PLXDC2: variants seen among roughly 807,000 people sequenced by gnomAD.
The protein encoded by PLXDC2 is plexin domain-containing protein 2.
A neutral mutation model predicts 68.9 loss-of-function variants in PLXDC2; 40 were observed. The ratio of observed to expected loss-of-function variants is 0.58; its 90% CI spans 0.45 to 0.76. The LOEUF is 0.76. Ranked by LOEUF, PLXDC2 falls within the 30% of genes least tolerant of loss-of-function variation. The pLI is 0.00. For missense variants in PLXDC2, 644 were observed against 661.9 expected, an observed-to-expected ratio of 0.97 and a Z score of 0.30; for synonymous variants, 243 against 234.2, an observed-to-expected ratio of 1.04 and a Z score of -0.34.
At chr10:19,860,672 G>T (rs1837302200) in intron 1 of PLXDC2, among the ~76,000 whole-genome samples, 2 of 152,086 alleles carry the variant, frequency 1.3e-5, no homozygotes, top group Non-Finnish European at 2.9e-5. Context: ...TATACCCAGG[G>T]CCCAGCACCA....
intron 1 of PLXDC2, among the ~76,000 whole-genome samples, chr10:19,963,697 C>T (rs764253831): frequency 1.2e-4 from 18 of 151,416 alleles, no homozygotes; most frequent in African/African-American, 1.7e-4. Flanking sequence ...TGGGGTGGGG[C>T]GAGAGGGGAG....
In PLXDC2 at chr10:20,094,215, C is replaced by A. The variant is rs1833318185; in HGVS notation, c.541+25976C>A. On this transcript the variant is annotated intron_variant, in intron 4 of 13. Transcript: ENST00000377252. The stretch of plus-strand genomic sequence containing the variant: ...TTAGCTGAAGTAAAGGAACATCCTA[C>A]CATGTACATTGTTTGAAAGTAATTT... Among the ~76,000 whole-genome samples, 3 of 152,212 alleles carry A rather than the reference C, an allele frequency of 2.0e-5. No homozygotes were observed. In the South Asian group the frequency reaches 6.2e-4, roughly 31 times the overall value.
chr10:19,894,023 A>C (rs1424805705), intron 1 of PLXDC2, among the ~76,000 whole-genome samples: 1 of 152,190 alleles, frequency 6.6e-6, no homozygotes, highest in Non-Finnish European at 1.5e-5. Context: ...GAATGGAGTA[A>C]ATTCAGAGAA....
At chr10:19,850,241 C>G (rs1564608826) in intron 1 of PLXDC2, among the ~76,000 whole-genome samples, 1 of 150,258 alleles carries the variant, frequency 6.7e-6, no homozygotes, top group South Asian at 2.1e-4. Context: ...TATCCCTTAT[C>G]TAACCTAGGA....
rs756895705 is a variant in PLXDC2, at chr10:20,282,847, A to T, written c.*3028A>T. 13 of 152,228 alleles carry T rather than the reference A, an allele frequency of 8.5e-5. No homozygotes were observed. The highest frequency in any genetic ancestry group is 1.9e-4 in the Non-Finnish European group (13 of 68,024). The allele number at this position is 152,228 out of a possible 1,614,324, so 9.4% of individuals were successfully genotyped here. ...GACCCCCAATTACTATTTTAGTTTG[A>T]GGTATCAAGGGCATTTGCCAATCTC... On this transcript the variant is annotated 3_prime_UTR_variant, in exon 14 of 14. Coordinates refer to ENST00000377252, the MANE Select transcript of PLXDC2 (RefSeq NM_032812.9).
chr10:20,206,996 C>G (rs891442471), intron 9 of PLXDC2, among the ~76,000 whole-genome samples: 1 of 152,122 alleles, frequency 6.6e-6, no homozygotes, highest in Non-Finnish European at 1.5e-5. Flanking sequence ...ACAACTGTCT[C>G]TCACACACAC....
intron 1 of PLXDC2, among the ~76,000 whole-genome samples, chr10:19,818,911 T>G (rs1393227879): frequency 6.6e-6 from 1 of 152,112 alleles, no homozygotes; most frequent in Admixed American, 6.6e-5. Flanking sequence ...ATTTAAAAAC[T>G]TCTTTGGCAC....
intron 4 of PLXDC2, among the ~76,000 whole-genome samples, chr10:20,109,014 A>G (rs1833525608): frequency 1.3e-5 from 2 of 152,346 alleles, no homozygotes; most frequent in African/African-American, 2.4e-5. Flanking sequence ...CCAAGGAGAA[A>G]AAGAAGAACT....
At chr10:19,890,676 CTTTTTTTTTTTTTTTTT>C (rs56921191) in intron 1 of PLXDC2, among the ~76,000 whole-genome samples, 6 of 61,132 alleles carry the variant, frequency 9.8e-5, no homozygotes, top group African/African-American at 1.9e-4. Flanking sequence ...CGCCCGGCTG[CTTTTTTTTTTTTTTTTT>C]TTTTTTTTTT....
chr10:20,197,014 A>C (rs1383669380), intron 9 of PLXDC2, among the ~76,000 whole-genome samples: 7 of 152,096 alleles, frequency 4.6e-5, no homozygotes, highest in African/African-American at 1.7e-4. Context: ...ATACGATGCA[A>C]TGTGCTCCCA....
At chr10:20,173,325 A>G (rs756947093) in intron 7 of PLXDC2, among the ~76,000 whole-genome samples, 2 of 152,232 alleles carry the variant, frequency 1.3e-5, no homozygotes, top group Non-Finnish European at 2.9e-5. Context: ...ATACTTACAC[A>G]ATATGAGTAA....
rs767213190 is a variant in PLXDC2, at chr10:19,964,738, TTTG to T, written c.113-37034_113-37032del. Among the ~76,000 whole-genome samples, 494 of 151,618 alleles carry T rather than the reference TTTG, an allele frequency of 3.3e-3. 2 individuals carry two copies. Among genetic ancestry groups the T allele is most frequent in the Non-Finnish European group, 5.0e-3 (338 of 68,012 alleles). On this transcript the variant is annotated intron_variant, in intron 1 of 13. Transcript: ENST00000377252. Reference sequence around the variant, plus strand: ...TCCTTGAGGGCAGGCACCATTTGTTTTTGTTTTTTTTTTCTTCACTATCTCCTA... The same window carrying T: ...TCCTTGAGGGCAGGCACCATTTGTTTTTTTTTTTTTCTTCACTATCTCCTA...
In PLXDC2 at chr10:20,115,174, C is replaced by T. The variant is rs964267237; in HGVS notation, c.542-28121C>T. ...AGCACGTTACTCTTTCACCTGTCAC[C>T]GGCACACCCAGGAGGAGTGTTCATG... On this transcript the variant is annotated intron_variant, in intron 4 of 13. Coordinates refer to ENST00000377252, the MANE Select transcript of PLXDC2 (RefSeq NM_032812.9). Among the ~76,000 whole-genome samples the T allele has an allele frequency of 5.9e-5, 9 of 152,100 alleles. 1 individual carries two copies. Among genetic ancestry groups the T allele is most frequent in the East Asian group, 3.9e-4 (2 of 5,170 alleles).
At chr10:20,211,602 T>C in intron 9 of PLXDC2, 67 bp from the exon 10 acceptor site, 1 of 1,443,924 alleles carries the variant, frequency 6.9e-7, no homozygotes, top group African/African-American at 1.4e-5. Flanking sequence ...CTTTTACTTT[T>C]AATTTCTGTC....
intron 1 of PLXDC2, among the ~76,000 whole-genome samples, chr10:19,920,129 C>G (rs896447897): frequency 1.3e-5 from 2 of 152,176 alleles, no homozygotes; most frequent in Non-Finnish European, 2.9e-5. Flanking sequence ...AATTCCCAAC[C>G]GTGAGGCCAA....
intron 12 of PLXDC2, among the ~76,000 whole-genome samples, chr10:20,232,796 T>C (rs1835382555): frequency 6.6e-6 from 1 of 152,150 alleles, no homozygotes; most frequent in African/African-American, 2.4e-5. Context: ...TTTCATATGA[T>C]TTGGGTGATG....
chr10:20,214,626 G>T (rs779991034), intron 10 of PLXDC2, among the ~76,000 whole-genome samples: 5 of 152,058 alleles, frequency 3.3e-5, no homozygotes, highest in East Asian at 1.9e-4. Flanking sequence ...CAATGGAAAG[G>T]CACCATTGGG....
At chr10:20,170,378 C>T (rs184020370) in intron 7 of PLXDC2, among the ~76,000 whole-genome samples, 10 of 152,000 alleles carry the variant, frequency 6.6e-5, no homozygotes, top group African/African-American at 9.7e-5. Flanking sequence ...TTAGTAGAGA[C>T]GGGGTTTCAC....
At chr10:20,172,248 A>AAAG (rs1554772202) in intron 7 of PLXDC2, among the ~76,000 whole-genome samples, 5 of 150,386 alleles carry the variant, frequency 3.3e-5, no homozygotes, top group South Asian at 2.1e-4. Context: ...AAAAAAAAAA[A>AAAG]AGAGAGAGAG....
Sources: gnomAD v4.1 joint callset for allele counts (sites outside exome capture counted in the v4.1 genomes callset) on GRCh38, gnomAD v4.1.1 for gene constraint, MANE v1.5 for transcripts, NCBI Gene and HGNC (gene_info 2026-07-23, HGNC 2026-07-21) for gene names.